ATG4C: variants seen among roughly 807,000 people sequenced by gnomAD.
The protein encoded by ATG4C is autophagy related 4C cysteine peptidase, also known as cysteine protease ATG4C.
A neutral mutation model predicts 57.6 loss-of-function variants in ATG4C; 56 were observed. The observed-to-expected ratio is 0.97, with a 90% confidence interval of 0.78 to 1.21. ATG4C has a LOEUF of 1.21. ATG4C is among the 50% of genes most tolerant of loss of function. The probability of loss-of-function intolerance (pLI) is 0.00; values close to 1 mark genes in which losing one functional copy is unlikely to be tolerated. For missense variants in ATG4C, 595 were observed against 529.8 expected (o/e 1.12, Z -1.21); for synonymous variants, 157 against 174.1 (o/e 0.90, Z 0.78).
chr1:62,802,578 C>T (rs1332053799), intron 1 of ATG4C, among the ~76,000 whole-genome samples: 1 of 152,048 alleles, frequency 6.6e-6, no homozygotes, highest in African/African-American at 2.4e-5. Flanking sequence ...CCATGTTCTT[C>T]TCCATGCTGC....
intron 10 of ATG4C, among the ~76,000 whole-genome samples, chr1:62,854,076 A>AT (rs965192181): frequency 6.6e-6 from 1 of 150,846 alleles, no homozygotes; most frequent in African/African-American, 2.4e-5. Context: ...TGTTATTGAT[A>AT]TTTTTTCTAT....
At chr1:62,821,326 T>G (rs1665475949) in intron 6 of ATG4C, 117 bp downstream of exon 6, 2 of 551,990 alleles carry the variant, frequency 3.6e-6, no homozygotes, top group Non-Finnish European at 5.8e-6. Context: ...GTCTTATACA[T>G]TTTTGTTCCT....
rs560931275 is a variant in ATG4C, at chr1:62,820,337, C to G, written c.726-802C>G. Among the ~76,000 whole-genome samples, 6 of 152,176 alleles carry G rather than the reference C, an allele frequency of 3.9e-5. No individual in the cohort carries two copies. The South Asian group carries it at 1.0e-3, about 26-fold the overall frequency. On this transcript the variant is annotated intron_variant, in intron 5 of 10. Transcript: ENST00000317868. ...TCTGTTGACCGTCTTTCCTCTCCCT[C>G]CAGTCCCTTAAAACTGTCAAAAACC...
At chr1:62,787,097 A>T (rs1664115432) in intron 1 of ATG4C, among the ~76,000 whole-genome samples, 1 of 152,202 alleles carries the variant, frequency 6.6e-6, no homozygotes, top group Non-Finnish European at 1.5e-5. Flanking sequence ...GAGAACATCG[A>T]AAGAGGACCA....
intron 10 of ATG4C, among the ~76,000 whole-genome samples, chr1:62,852,601 C>A (rs1666550984): frequency 6.6e-6 from 1 of 152,190 alleles, no homozygotes; most frequent in Non-Finnish European, 1.5e-5. Context: ...TTTGGTTAGT[C>A]ACTATTCAGT....
intron 10 of ATG4C, among the ~76,000 whole-genome samples, chr1:62,862,808 T>C (rs962230823): frequency 1.5e-4 from 23 of 152,064 alleles, no homozygotes; most frequent in African/African-American, 5.5e-4. Flanking sequence ...CAAGAGAATC[T>C]ATAAATGTAA....
chr1:62,821,091 A>T (rs150523110), intron 5 of ATG4C, 48 bp from the exon 6 acceptor site: 4 of 1,438,896 alleles, frequency 2.8e-6, no homozygotes, highest in Non-Finnish European at 3.8e-6. Flanking sequence ...TTTAGTTGCC[A>T]ATAGGAAATG....
At chr1:62,858,117 G>A (rs1351431087) in intron 10 of ATG4C, among the ~76,000 whole-genome samples, 1 of 152,198 alleles carries the variant, frequency 6.6e-6, no homozygotes, top group Non-Finnish European at 1.5e-5. Flanking sequence ...AATCAAAGTA[G>A]CAATGTCAGG....
chr1:62,805,535 T>C (rs1205137050), intron 3 of ATG4C, among the ~76,000 whole-genome samples: 8 of 152,128 alleles, frequency 5.3e-5, no homozygotes, highest in Non-Finnish European at 1.0e-4. Context: ...TTTGTCACAT[T>C]CTCTGATAAT....
intron 9 of ATG4C, among the ~76,000 whole-genome samples, chr1:62,838,899 G>A: frequency 6.6e-6 from 1 of 151,934 alleles, no homozygotes; most frequent in East Asian, 1.9e-4. Flanking sequence ...CTGTGTTTTT[G>A]TGAATATTTT....
chr1:62,800,984 T>G (rs996672992), intron 1 of ATG4C, among the ~76,000 whole-genome samples: 1 of 152,206 alleles, frequency 6.6e-6, no homozygotes, highest in Non-Finnish European at 1.5e-5. Context: ...AAGGTCATCA[T>G]ACAGTGAGGG....
chr1:62,788,501 G>A (rs1479535093), intron 1 of ATG4C, among the ~76,000 whole-genome samples: 1 of 151,730 alleles, frequency 6.6e-6, no homozygotes, highest in Admixed American at 6.6e-5. Flanking sequence ...AGGTGGCAAC[G>A]TGACACTTTA....
rs1665767273 is a variant in ATG4C at position 62,829,271 on chromosome 1, G to A, written c.933+95G>A. ...TTTTTTCTGTTAAATGAGTAGTGAT[G>A]ATTTTGTAGTTGTACGTTGTACGTT... On this transcript the variant is annotated intron_variant, in intron 7 of 10. Coordinates refer to ENST00000317868, the MANE Select transcript of ATG4C (RefSeq NM_032852.4). 7.6e-5 allele frequency: 105 copies of A among 1,379,090 alleles called. No individual in the cohort carries two copies. In the South Asian group the frequency reaches 1.3e-3, roughly 17 times the overall value. The allele number at this position is 1,379,090 out of a possible 1,614,324, so 85.4% of individuals were successfully genotyped here.
At chr1:62,801,826 C>A (rs943916308) in intron 1 of ATG4C, among the ~76,000 whole-genome samples, 8 of 151,254 alleles carry the variant, frequency 5.3e-5, no homozygotes, top group African/African-American at 1.9e-4. Flanking sequence ...GATGTGGTGG[C>A]AGGCGCCTGG....
chr1:62,844,105 A>G (rs1011426894), intron 10 of ATG4C, among the ~76,000 whole-genome samples: 1 of 152,172 alleles, frequency 6.6e-6, no homozygotes, highest in Admixed American at 6.6e-5. Flanking sequence ...AATGGCAAGT[A>G]GTCCAACTTG....
intron 1 of ATG4C, among the ~76,000 whole-genome samples, chr1:62,802,370 A>G (rs1484282141): frequency 6.6e-6 from 1 of 152,090 alleles, no homozygotes; most frequent in Admixed American, 6.6e-5. Flanking sequence ...TTGAGTGCCA[A>G]CATGATGCTC....
chr1:62,813,268 C>T lies in ATG4C; in HGVS notation c.161-3307C>T, dbSNP rs1665148852. Among the ~76,000 whole-genome samples the T allele has an allele frequency of 2.0e-5, 3 of 151,990 alleles. No individual in the cohort carries two copies. In the South Asian group the frequency reaches 6.2e-4, roughly 31 times the overall value. ...AAAACAGATATATAGACCAATGGAA[C>T]AGAACAGAGGCCTCAGAAATAGCAC... is the stretch of plus-strand genomic sequence containing the variant. On this transcript the variant is annotated intron_variant, in intron 3 of 10. Coordinates refer to ENST00000317868, the MANE Select transcript of ATG4C (RefSeq NM_032852.4).
chr1:62,804,506 G>A lies in ATG4C; in HGVS notation c.76+644G>A, dbSNP rs537170030. ...TTATTCAGGTGATGATAATACCTTG[G>A]CTTTTCAGATACAATTTCAGGCAGC... On this transcript the variant is annotated intron_variant, in intron 2 of 10. Coordinates refer to ENST00000317868, the MANE Select transcript of ATG4C (RefSeq NM_032852.4). Among the ~76,000 whole-genome samples, 60 of 151,644 alleles carry A rather than the reference G, an allele frequency of 4.0e-4. No homozygotes were observed. In the South Asian group the frequency reaches 0.012, roughly 30 times the overall value.
At chr1:62,849,040 C>T in intron 10 of ATG4C, among the ~76,000 whole-genome samples, 1 of 152,094 alleles carries the variant, frequency 6.6e-6, no homozygotes, top group East Asian at 1.9e-4. Context: ...CCAGATATAT[C>T]ACCAAAGTGA....
Sources: allele counts gnomAD v4.1 joint callset (sites outside exome capture counted in the v4.1 genomes callset), GRCh38; gene constraint gnomAD v4.1.1; transcripts MANE v1.5; gene names NCBI Gene and HGNC (gene_info 2026-07-23, HGNC 2026-07-21).